PKNOX2: variants seen among roughly 807,000 people sequenced by gnomAD.
The protein encoded by PKNOX2 is PBX/knotted 1 homeobox 2.
PKNOX2 carries 14 observed loss-of-function variants against 53.1 expected under a neutral mutation model. The ratio of observed to expected loss-of-function variants is 0.26; its 90% CI spans 0.17 to 0.41. The LOEUF is 0.41. Ranked by LOEUF, PKNOX2 falls within the 10% of genes least tolerant of loss-of-function variation. PKNOX2 has a pLI of 1.00. For missense variants in PKNOX2, 496 were observed against 602.8 expected, an observed-to-expected ratio of 0.82 and a Z score of 1.85; for synonymous variants, 257 against 242.8, an observed-to-expected ratio of 1.06 and a Z score of -0.54.
Position 125,411,967 on chromosome 11 carries a change from A to T in PKNOX2, c.936+102A>T, listed in dbSNP as rs1955580065. Reference sequence around the variant, plus strand: ...CTGTCGGCTCCAAACCCACAGACAGAGGGCGCGGCCTCGGGGAGAGCTCTC... The same window carrying T: ...CTGTCGGCTCCAAACCCACAGACAGTGGGCGCGGCCTCGGGGAGAGCTCTC... On this transcript the variant is annotated intron_variant, in intron 10 of 12. Coordinates refer to ENST00000298282, the MANE Select transcript of PKNOX2 (RefSeq NM_001382323.2). 2.6e-6 allele frequency: 4 copies of T among 1,552,610 alleles called. No homozygotes were observed. In the Admixed American group the frequency reaches 7.0e-5, roughly 27 times the overall value.
chr11:125,402,185 T>C lies in PKNOX2; in HGVS notation c.588+4123T>C, dbSNP rs75990183. 8.5e-3 allele frequency among the ~76,000 whole-genome samples: 1,291 copies of C among 152,206 alleles called. 14 individuals are homozygous for C. The highest frequency in any genetic ancestry group is 0.03 in the African/African-American group (1,236 of 41,522). On this transcript the variant is annotated intron_variant, in intron 7 of 12. Coordinates refer to ENST00000298282, the MANE Select transcript of PKNOX2 (RefSeq NM_001382323.2). ...GAGACTGTTCTACCAAGCAGGGGAC[T>C]AAAGCAGACTTTCAAAGACCTGGGC...
chr11:125,182,056 C>A (rs577310833), intron 1 of PKNOX2, among the ~76,000 whole-genome samples: 1 of 152,186 alleles, frequency 6.6e-6, no homozygotes, highest in Non-Finnish European at 1.5e-5. Context: ...CTCTCCTCAG[C>A]GGAGTTACTG....
chr11:125,308,149 T>C (rs1466601160), intron 2 of PKNOX2, among the ~76,000 whole-genome samples: 1 of 152,218 alleles, frequency 6.6e-6, no homozygotes, highest in Non-Finnish European at 1.5e-5. Context: ...CCCTGGCCAC[T>C]GGGATGGCCT....
intron 2 of PKNOX2, among the ~76,000 whole-genome samples, chr11:125,261,824 G>A (rs1468863264): frequency 6.6e-6 from 1 of 152,214 alleles, no homozygotes; most frequent in Non-Finnish European, 1.5e-5. Flanking sequence ...CCAAATTTTT[G>A]TGAAAAAGGT....
At chr11:125,242,934 G>C (rs553194790) in intron 2 of PKNOX2, among the ~76,000 whole-genome samples, 1 of 152,192 alleles carries the variant, frequency 6.6e-6, no homozygotes, top group Non-Finnish European at 1.5e-5. Flanking sequence ...GAACAAGTGT[G>C]CATTTTGGTG....
chr11:125,399,920 G>T (rs1954634007), intron 7 of PKNOX2, among the ~76,000 whole-genome samples: 1 of 152,226 alleles, frequency 6.6e-6, no homozygotes, highest in African/African-American at 2.4e-5. Flanking sequence ...AGTGGGGTTT[G>T]CAGAAAAGGA....
At chr11:125,179,084 C>T (rs1955998871) in intron 1 of PKNOX2, among the ~76,000 whole-genome samples, 2 of 152,130 alleles carry the variant, frequency 1.3e-5, no homozygotes, top group South Asian at 4.2e-4. Context: ...TGTGTTTGTC[C>T]CACCGTGTGT....
At chr11:125,365,821 A>G (rs1952160052) in intron 4 of PKNOX2, among the ~76,000 whole-genome samples, 1 of 152,180 alleles carries the variant, frequency 6.6e-6, no homozygotes, top group African/African-American at 2.4e-5. Flanking sequence ...GGTCACTTAC[A>G]CCATGTTTTC....
At chr11:125,238,262 G>A (rs1427974087) in intron 2 of PKNOX2, among the ~76,000 whole-genome samples, 3 of 152,210 alleles carry the variant, frequency 2.0e-5, no homozygotes, top group Non-Finnish European at 4.4e-5. Context: ...AGGGGAGGGG[G>A]CAGGGGCGAG....
At chr11:125,296,778 G>A (rs566172599) in intron 2 of PKNOX2, among the ~76,000 whole-genome samples, 1 of 152,280 alleles carries the variant, frequency 6.6e-6, no homozygotes, top group African/African-American at 2.4e-5. Flanking sequence ...TGGGACTACA[G>A]GTGTGCGCCA....
intron 10 of PKNOX2, among the ~76,000 whole-genome samples, chr11:125,412,878 C>T (rs551198552): frequency 3.3e-5 from 5 of 152,226 alleles, no homozygotes; most frequent in South Asian, 2.1e-4. Flanking sequence ...CATCAACAGC[C>T]GTTGTATCTG....
At chr11:125,341,372 AG>A (rs1288505258) in intron 3 of PKNOX2, among the ~76,000 whole-genome samples, 1 of 151,860 alleles carries the variant, frequency 6.6e-6, no homozygotes, top group African/African-American at 2.4e-5. Context: ...AAAAAAAAAA[AG>A]GAAAGAAAAA....
intron 2 of PKNOX2, among the ~76,000 whole-genome samples, chr11:125,329,957 C>T (rs2136103165): frequency 6.6e-6 from 1 of 152,314 alleles, no homozygotes; most frequent in East Asian, 1.9e-4. Context: ...GCTGTAAGCC[C>T]ATCACAGGTG....
At chr11:125,297,471 CATT>C (rs551164212) in intron 2 of PKNOX2, among the ~76,000 whole-genome samples, 47 of 152,328 alleles carry the variant, frequency 3.1e-4, no homozygotes, top group Middle Eastern at 6.8e-3. Flanking sequence ...AGTAGGAACT[CATT>C]AGTCTGACAG....
intron 3 of PKNOX2, 133 bp from the exon 4 acceptor site, chr11:125,351,151 C>T: frequency 1.4e-6 from 1 of 693,594 alleles, no homozygotes; most frequent in Non-Finnish European, 2.7e-6. Flanking sequence ...ATTTGTTGCC[C>T]TGAAGGGCGT....
chr11:125,405,063 G>A (rs1314162863), intron 7 of PKNOX2, among the ~76,000 whole-genome samples: 1 of 152,192 alleles, frequency 6.6e-6, no homozygotes, highest in Non-Finnish European at 1.5e-5. Context: ...GTGGCCGGGG[G>A]GAGGATGGCA....
intron 10 of PKNOX2, among the ~76,000 whole-genome samples, chr11:125,424,907 G>C (rs1019865698): frequency 4.6e-5 from 7 of 152,236 alleles, no homozygotes; most frequent in Non-Finnish European, 8.8e-5. Flanking sequence ...CCAGAGGAGA[G>C]TTGCGTTATG....
chr11:125,213,945 G>A (rs187852890), intron 1 of PKNOX2, among the ~76,000 whole-genome samples: 9 of 152,204 alleles, frequency 5.9e-5, no homozygotes, highest in Non-Finnish European at 1.2e-4. Flanking sequence ...GAGGGCCAGG[G>A]AGGGGTTTCC....
At chr11:125,300,759 T>A (rs573109014) in intron 2 of PKNOX2, among the ~76,000 whole-genome samples, 2 of 152,196 alleles carry the variant, frequency 1.3e-5, no homozygotes, top group Admixed American at 1.3e-4. Flanking sequence ...TCTCCCCAGA[T>A]CCCAACAGGC....
Sources: allele counts gnomAD v4.1 joint callset (sites outside exome capture counted in the v4.1 genomes callset), GRCh38; gene constraint gnomAD v4.1.1; transcripts MANE v1.5; gene names NCBI Gene and HGNC (gene_info 2026-07-23, HGNC 2026-07-21).